DLG2: variants seen among roughly 807,000 people sequenced by gnomAD.
DLG2 encodes disks large homolog 2.
A neutral mutation model predicts 132.5 loss-of-function variants in DLG2; 45 were observed. That is an observed-to-expected ratio of 0.34 (90% CI 0.27 to 0.44). DLG2 has a LOEUF of 0.44. DLG2 is among the 20% of genes least tolerant of loss of function. The pLI is 1.00. For synonymous variants in DLG2, 424 were observed against 419.6 expected (o/e 1.01, Z -0.13); for missense variants, 1,045 against 1,196.9 (o/e 0.87, Z 1.87).
intron 3 of DLG2, among the ~76,000 whole-genome samples, chr11:85,493,722 A>G (rs2093612426): frequency 8.0e-6 from 1 of 125,224 alleles, no homozygotes; most frequent in Non-Finnish European, 1.6e-5. Flanking sequence ...AGGGGAGGGT[A>G]GGAGAGAAGA....
intron 6 of DLG2, among the ~76,000 whole-genome samples, chr11:85,042,863 T>C (rs2061993599): frequency 6.6e-6 from 1 of 151,944 alleles, no homozygotes; most frequent in African/African-American, 2.4e-5. Flanking sequence ...TTATGGAAGA[T>C]ATTTTAGAAA....
At chr11:85,562,875 T>C (rs1490033790) in intron 3 of DLG2, among the ~76,000 whole-genome samples, 1 of 151,862 alleles carries the variant, frequency 6.6e-6, no homozygotes, top group Non-Finnish European at 1.5e-5. Flanking sequence ...GATTTTAAAA[T>C]GACAGCATTA....
intron 18 of DLG2, among the ~76,000 whole-genome samples, chr11:83,772,099 T>C (rs2094417202): frequency 6.6e-6 from 1 of 152,146 alleles, no homozygotes; most frequent in Admixed American, 6.5e-5. Flanking sequence ...TTGGTTATTA[T>C]GATAGTCACA....
At chr11:83,498,604 C>A (rs886277801) in intron 21 of DLG2, among the ~76,000 whole-genome samples, 1 of 149,864 alleles carries the variant, frequency 6.7e-6, no homozygotes, top group Non-Finnish European at 1.5e-5. Flanking sequence ...AAAAAAAGAT[C>A]CAAAGGAATA....
At chr11:84,806,371 G>C (rs2075997675) in intron 6 of DLG2, among the ~76,000 whole-genome samples, 1 of 152,030 alleles carries the variant, frequency 6.6e-6, no homozygotes, top group Non-Finnish European at 1.5e-5. Context: ...AATCTGTGCA[G>C]GCAATGATAC....
intron 6 of DLG2, among the ~76,000 whole-genome samples, chr11:84,945,279 C>G (rs1000461835): frequency 1.3e-5 from 2 of 152,212 alleles, no homozygotes; most frequent in African/African-American, 4.8e-5. Flanking sequence ...ACCCCAACCC[C>G]AAGCCCAAGA....
In DLG2 at chr11:85,247,467, C is replaced by A. The variant is rs572041811; in HGVS notation, c.186+37753G>T. Among the ~76,000 whole-genome samples the A allele has an allele frequency of 1.3e-5, 2 of 152,088 alleles. 1 individual carries two copies. The highest frequency in any genetic ancestry group is 4.1e-4 in the South Asian group (2 of 4,824). On this transcript the variant is annotated intron_variant, in intron 4 of 27. Transcript: ENST00000376104. The stretch of plus-strand genomic sequence containing the variant: ...TCTATCCAAAATTACAAGTCCTAAA[C>A]CCTGATACTTCCTGTGGCCCCTTCT...
intron 3 of DLG2, among the ~76,000 whole-genome samples, chr11:85,531,243 T>C (rs2075187184): frequency 6.6e-6 from 1 of 152,194 alleles, no homozygotes; most frequent in African/African-American, 2.4e-5. Context: ...TTATCCTACA[T>C]TCCTAAATAA....
chr11:85,517,339 A>C (rs1168842039), intron 3 of DLG2, among the ~76,000 whole-genome samples: 1 of 152,178 alleles, frequency 6.6e-6, no homozygotes, highest in Non-Finnish European at 1.5e-5. Flanking sequence ...CTGAATGTGG[A>C]AAATTTGAAG....
intron 6 of DLG2, among the ~76,000 whole-genome samples, chr11:84,642,530 T>C (rs1237321272): frequency 6.6e-6 from 1 of 152,086 alleles, no homozygotes; most frequent in African/African-American, 2.4e-5. Context: ...CCATATGAAG[T>C]TCTGGGTATA....
intron 19 of DLG2, among the ~76,000 whole-genome samples, chr11:83,574,577 C>T (rs1481642991): frequency 6.6e-6 from 1 of 152,110 alleles, no homozygotes; most frequent in African/African-American, 2.4e-5. Context: ...CATTGTCATT[C>T]TGACCTGAAC....
intron 3 of DLG2, among the ~76,000 whole-genome samples, chr11:85,489,706 T>A (rs2093513813): frequency 6.6e-6 from 1 of 152,174 alleles, no homozygotes; most frequent in Admixed American, 6.5e-5. Context: ...ATCAAAATCA[T>A]ATCAAGTATC....
intron 4 of DLG2, among the ~76,000 whole-genome samples, chr11:85,196,791 A>G (rs746651106): frequency 2.0e-5 from 3 of 152,220 alleles, no homozygotes; most frequent in African/African-American, 7.2e-5. Context: ...TTTTAACTAC[A>G]TGTGGAAAGT....
chr11:85,523,475 G>A (rs2074482412), intron 3 of DLG2, among the ~76,000 whole-genome samples: 1 of 152,134 alleles, frequency 6.6e-6, no homozygotes, highest in East Asian at 1.9e-4. Flanking sequence ...ACAAGTACAT[G>A]AAAAGGTACT....
chr11:84,531,463 A>G (rs1228560198), intron 7 of DLG2, among the ~76,000 whole-genome samples: 2 of 152,188 alleles, frequency 1.3e-5, no homozygotes, highest in African/African-American at 4.8e-5. Flanking sequence ...CACATGTACC[A>G]CTGTACCTAT....
rs1273370399 is a variant in DLG2 at position 84,147,213 on chromosome 11, C to T, written c.624+16248G>A. Among the ~76,000 whole-genome samples the T allele has an allele frequency of 2.0e-5, 3 of 152,008 alleles. No individual in the cohort carries two copies. The East Asian group carries it at 5.8e-4, about 29-fold the overall frequency. On this transcript the variant is annotated intron_variant, in intron 9 of 27. Coordinates refer to ENST00000376104, the MANE Select transcript of DLG2 (RefSeq NM_001142699.3). ...TGGGTTTAGTTGAGATTCATCTGGT[C>T]TAATTATCAGTATTATTTCTTACTA...
chr11:84,281,354 C>A (rs565821537), intron 7 of DLG2, among the ~76,000 whole-genome samples: 2 of 151,736 alleles, frequency 1.3e-5, no homozygotes, highest in Admixed American at 6.6e-5. Flanking sequence ...AATAGAGAAG[C>A]CACAGAATGA....
chr11:84,379,911 C>T (rs943823850), intron 7 of DLG2, among the ~76,000 whole-genome samples: 15 of 151,916 alleles, frequency 9.9e-5, no homozygotes, highest in Admixed American at 8.5e-4. Flanking sequence ...AGTAAAGCTG[C>T]AGAACACCAA....
intron 18 of DLG2, among the ~76,000 whole-genome samples, chr11:83,651,334 C>T (rs934235981): frequency 6.6e-6 from 1 of 152,118 alleles, no homozygotes; most frequent in Non-Finnish European, 1.5e-5. Context: ...ATGCCAACTA[C>T]AATTACAAGA....
Sources: gnomAD v4.1 joint callset for allele counts (sites outside exome capture counted in the v4.1 genomes callset) on GRCh38, gnomAD v4.1.1 for gene constraint, MANE v1.5 for transcripts, NCBI Gene and HGNC (gene_info 2026-07-23, HGNC 2026-07-21) for gene names.